Variants in TXLNG observed in about 807,000 individuals in gnomAD.
The protein encoded by TXLNG is taxilin gamma, also known as gamma-taxilin.
A neutral mutation model predicts 38.8 loss-of-function variants in TXLNG; 5 were observed. That is an observed-to-expected ratio of 0.13 (90% CI 0.07 to 0.27). TXLNG has a LOEUF of 0.27. Among genes scored for constraint, TXLNG ranks in the 10% least tolerant of loss-of-function variants. TXLNG has a pLI of 1.00. For missense variants in TXLNG, 393 were observed against 398.2 expected (o/e 0.99, Z 0.11); for synonymous variants, 182 against 158.2 (o/e 1.15, Z -1.13).
intron 3 of TXLNG, among the ~76,000 whole-genome samples, chrX:16,825,328 A>T (rs1929130123): frequency 8.9e-6 from 1 of 112,125 alleles, no homozygotes; most frequent in Admixed American, 9.5e-5. Context: ...TGTCATGTGA[A>T]ATCAAACATT....
At chrX:16,809,413 G>A (rs1415602127) in intron 1 of TXLNG, among the ~76,000 whole-genome samples, 1 of 98,323 alleles carries the variant, frequency 1.0e-5, no homozygotes, top group African/African-American at 3.8e-5. Context: ...GCGTGATCTC[G>A]GCTCTCTGCA....
intron 1 of TXLNG, among the ~76,000 whole-genome samples, chrX:16,794,043 C>T (rs73207133): frequency 0.43 from 47,210 of 110,369 alleles, 8,831 homozygotes; most frequent in Non-Finnish European, 0.59. Context: ...CTACTTATGG[C>T]GCTAAGAAGG....
chrX:16,789,637 TC>T (rs1439870862), intron 1 of TXLNG, among the ~76,000 whole-genome samples: 18 of 104,619 alleles, frequency 1.7e-4, no homozygotes, highest in African/African-American at 5.9e-4. Context: ...TCAGGCTCAT[TC>T]GTTTTACTTC....
intron 1 of TXLNG, 63 bp downstream of exon 1, chrX:16,786,652 G>A: frequency 9.7e-6 from 8 of 822,335 alleles, no homozygotes; most frequent in Non-Finnish European, 1.3e-5. Flanking sequence ...CCCTTTTTCA[G>A]GGTCCACCTC....
chrX:16,789,614 A>AT (rs997048511), intron 1 of TXLNG, among the ~76,000 whole-genome samples: 1 of 103,770 alleles, frequency 9.6e-6, no homozygotes, highest in Non-Finnish European at 2.0e-5. Flanking sequence ...TATGTCAGGC[A>AT]TTTTTTAGAA....
rs1929891948 is a variant in TXLNG at position 16,842,480 on chromosome X, T to C, written c.*714T>C. On this transcript the variant is annotated 3_prime_UTR_variant, in exon 10 of 10. Coordinates refer to ENST00000380122, the MANE Select transcript of TXLNG (RefSeq NM_018360.3). ...GGTTTCAGGTGTGGGATTTGGACCA[T>C]GAGGGGCTCCCGTAGAGGATGGCGG... 1 of 111,598 alleles carries C rather than the reference T, an allele frequency of 9.0e-6. No homozygotes were observed. Among genetic ancestry groups the C allele is most frequent in the Non-Finnish European group, 1.9e-5 (1 of 53,141 alleles). 9.2% of individuals were successfully genotyped at this position (111,598 alleles called of 1,213,427 possible).
intron 1 of TXLNG, among the ~76,000 whole-genome samples, chrX:16,791,781 T>C (rs780451819): frequency 9.0e-6 from 1 of 111,543 alleles, no homozygotes; most frequent in South Asian, 3.7e-4. Context: ...AGATGGGGTT[T>C]CACCATGTTG....
At chrX:16,834,134 G>T (rs1286130912) in intron 6 of TXLNG, 149 bp from the exon 7 acceptor site, 1 of 423,577 alleles carries the variant, frequency 2.4e-6, no homozygotes, top group African/African-American at 2.5e-5. Flanking sequence ...GAAGATACAG[G>T]TAAATGGCAA....
intron 5 of TXLNG, among the ~76,000 whole-genome samples, chrX:16,831,027 C>G (rs1456696086): frequency 9.0e-6 from 1 of 110,656 alleles, no homozygotes; most frequent in East Asian, 2.8e-4. Context: ...CTCTGTTCCC[C>G]TAGATTATTT....
In TXLNG at chrX:16,803,668, A is replaced by G. The variant is rs1181156677; in HGVS notation, c.103-14906A>G. On this transcript the variant is annotated intron_variant, in intron 1 of 9. Transcript: ENST00000380122. The stretch of plus-strand genomic sequence containing the variant: ...AATACCCAGCTATTTAAGAAGCACA[A>G]AGGGGCCAGGCGCGGTGGCTCACGC... Among the ~76,000 whole-genome samples the G allele has an allele frequency of 2.9e-5, 3 of 103,481 alleles. No individual in the cohort carries two copies. The Admixed American group carries it at 3.0e-4, about 10-fold the overall frequency. 89.9% of individuals were successfully genotyped at this position (103,481 alleles called of 115,157 possible).
chrX:16,804,966 TG>T (rs1307892315), intron 1 of TXLNG, among the ~76,000 whole-genome samples: 2 of 5,311 alleles, frequency 3.8e-4, no homozygotes, highest in Non-Finnish European at 5.5e-4. Flanking sequence ...TCACCACCAC[TG>T]CCCACCCCCC....
intron 1 of TXLNG, among the ~76,000 whole-genome samples, chrX:16,806,605 A>G (rs1477976314): frequency 9.1e-6 from 1 of 109,986 alleles, no homozygotes; most frequent in African/African-American, 3.3e-5. Context: ...AACATGGCAA[A>G]ACCCCGTCTC....
chrX:16,788,029 A>G (rs1380486502), intron 1 of TXLNG, among the ~76,000 whole-genome samples: 3 of 111,915 alleles, frequency 2.7e-5, no homozygotes, highest in Non-Finnish European at 5.6e-5. Flanking sequence ...TCTAAAAGAA[A>G]GATCCAGTGC....
chrX:16,839,964 C>A, intron 9 of TXLNG, 48 bp downstream of exon 9: 3 of 989,092 alleles, frequency 3.0e-6, no homozygotes, highest in Non-Finnish European at 4.2e-6. Context: ...CATGGGGACT[C>A]CTTGAGTTCA....
chrX:16,820,349 C>T, intron 3 of TXLNG, 94 bp downstream of exon 3: 1 of 613,724 alleles, frequency 1.6e-6, no homozygotes, highest in East Asian at 3.6e-5. Flanking sequence ...TTGATATGGC[C>T]TTAAATGTAA....
At chrX:16,834,173 A>C in intron 6 of TXLNG, 110 bp from the exon 7 acceptor site, 1 of 583,269 alleles carries the variant, frequency 1.7e-6, no homozygotes, top group Non-Finnish European at 2.7e-6. Context: ...TCATCTGTAG[A>C]CCTGTGGTTC....
chrX:16,812,691 CTTTTTTTTTTTTTT>C (rs55974932), intron 1 of TXLNG, among the ~76,000 whole-genome samples: 55 of 39,472 alleles, frequency 1.4e-3, no homozygotes, highest in African/African-American at 7.7e-3. Flanking sequence ...TGCGGCCAGC[CTTTTTTTTTTTTTT>C]TTTTTTTTTT....
chrX:16,814,180 T>G (rs1334878957), intron 1 of TXLNG, among the ~76,000 whole-genome samples: 1 of 112,312 alleles, frequency 8.9e-6, no homozygotes, highest in Non-Finnish European at 1.9e-5. Flanking sequence ...AGCCAAAAAT[T>G]GGAAATAACC....
At chrX:16,813,276 A>G (rs931406521) in intron 1 of TXLNG, among the ~76,000 whole-genome samples, 4 of 111,400 alleles carry the variant, frequency 3.6e-5, no homozygotes, top group Non-Finnish European at 7.5e-5. Context: ...GCTATAAAAA[A>G]ATAATAATAA....
Sources: allele counts gnomAD v4.1 joint callset (sites outside exome capture counted in the v4.1 genomes callset), GRCh38; gene constraint gnomAD v4.1.1; transcripts MANE v1.5; gene names NCBI Gene and HGNC (gene_info 2026-07-23, HGNC 2026-07-21).